Variants in NSMCE2 observed in about 807,000 individuals in gnomAD.
NSMCE2 encodes NSE2 SUMO ligase component of SMC5/6 complex.
A neutral mutation model predicts 23.8 loss-of-function variants in NSMCE2; 24 were observed. The ratio of observed to expected loss-of-function variants is 1.01; its 90% CI spans 0.73 to 1.42. The LOEUF (loss-of-function observed/expected upper bound fraction) is 1.42, where lower values mean the gene tolerates loss of function less well. Among genes scored for constraint, NSMCE2 ranks in the 40% most tolerant of loss-of-function variants. The pLI, the probability that NSMCE2 is intolerant of heterozygous loss-of-function variation, is 0.00. For missense variants in NSMCE2, 284 were observed against 296.5 expected (o/e 0.96, Z 0.31); for synonymous variants, 92 against 94.1 (o/e 0.98, Z 0.13).
chr8:125,269,028 A>T (rs1827063890), intron 5 of NSMCE2, among the ~76,000 whole-genome samples: 1 of 152,178 alleles, frequency 6.6e-6, no homozygotes, highest in African/African-American at 2.4e-5. Context: ...GAACTCATGC[A>T]TAGCTATCTT....
chr8:125,248,585 G>A (rs563143830), intron 5 of NSMCE2, among the ~76,000 whole-genome samples: 29 of 152,018 alleles, frequency 1.9e-4, no homozygotes, highest in South Asian at 1.9e-3. Context: ...CCAGGGAGGC[G>A]GAGGTTGCAG....
At chr8:125,321,202 C>T (rs1829441881) in intron 5 of NSMCE2, among the ~76,000 whole-genome samples, 1 of 152,178 alleles carries the variant, frequency 6.6e-6, no homozygotes, top group African/African-American at 2.4e-5. Context: ...CCTGGATCTA[C>T]ACAAAGAACT....
At chr8:125,301,165 A>G (rs1310957396) in intron 5 of NSMCE2, among the ~76,000 whole-genome samples, 4 of 152,200 alleles carry the variant, frequency 2.6e-5, no homozygotes, top group Non-Finnish European at 5.9e-5. Flanking sequence ...CTTGAGCAGG[A>G]TTGGCTGGGG....
Position 125,112,118 on chromosome 8 carries a change from G to T in NSMCE2, c.157+9631G>T, listed in dbSNP as rs78917784. On this transcript the variant is annotated intron_variant, in intron 3 of 7. Coordinates refer to ENST00000287437, the MANE Select transcript of NSMCE2 (RefSeq NM_173685.4). Reference sequence around the variant, plus strand: ...CAATAACCCTAAGAAGCCAATGTTTGTATGCTTATACAGCTTTTATAACTG... The same window carrying T: ...CAATAACCCTAAGAAGCCAATGTTTTTATGCTTATACAGCTTTTATAACTG... Among the ~76,000 whole-genome samples the T allele has an allele frequency of 1.8e-4, 28 of 152,264 alleles. No homozygotes were observed. In the East Asian group the frequency reaches 5.0e-3, roughly 27 times the overall value.
intron 5 of NSMCE2, among the ~76,000 whole-genome samples, chr8:125,316,773 C>CCTTCCTTCCTTCCTTCCTTCCTTCCT (rs1172219929): frequency 1.3e-5 from 1 of 77,358 alleles, no homozygotes; most frequent in African/African-American, 8.7e-5. Flanking sequence ...CCTTCCTTCT[C>CCTTCCTTCCTTCCTTCCTTCCTTCCT]TCTCTCTCTT....
intron 5 of NSMCE2, among the ~76,000 whole-genome samples, chr8:125,222,784 C>T (rs914655708): frequency 2.0e-4 from 30 of 152,102 alleles, no homozygotes; most frequent in Non-Finnish European, 4.0e-4. Context: ...CTCTTAGAGG[C>T]GGGGTGCAGT....
intron 3 of NSMCE2, among the ~76,000 whole-genome samples, chr8:125,109,362 G>A (rs1818621146): frequency 6.6e-6 from 1 of 152,190 alleles, no homozygotes; most frequent in Non-Finnish European, 1.5e-5. Context: ...GTAATTTGGT[G>A]TGCATTTGAG....
chr8:125,175,707 A>G (rs545364692), intron 4 of NSMCE2, among the ~76,000 whole-genome samples: 2 of 151,852 alleles, frequency 1.3e-5, no homozygotes, highest in Non-Finnish European at 2.9e-5. Context: ...CGATGGTTAT[A>G]AGGCAATAAT....
At chr8:125,275,101 C>T (rs183548978) in intron 5 of NSMCE2, among the ~76,000 whole-genome samples, 2 of 151,786 alleles carry the variant, frequency 1.3e-5, no homozygotes, top group East Asian at 3.9e-4. Context: ...CCTATCCCTG[C>T]TTTTATCTGG....
intron 5 of NSMCE2, among the ~76,000 whole-genome samples, chr8:125,236,546 A>G (rs1461775961): frequency 1.3e-5 from 2 of 152,138 alleles, no homozygotes; most frequent in African/African-American, 2.4e-5. Flanking sequence ...TGTGTTTCAT[A>G]TACTTAGAAA....
chr8:125,271,746 T>A lies in NSMCE2; in HGVS notation c.419-85473T>A, dbSNP rs376465845. On this transcript the variant is annotated intron_variant, in intron 5 of 7. Transcript: ENST00000287437. Reference sequence around the variant, plus strand: ...AGGATGCATGCTTGATTTTATTGCTTTTGATACTGTTTTTCACTCATGCTT... The same window carrying A: ...AGGATGCATGCTTGATTTTATTGCTATTGATACTGTTTTTCACTCATGCTT... 3.7e-3 allele frequency among the ~76,000 whole-genome samples: 561 copies of A among 152,332 alleles called. 5 individuals are homozygous for A. The highest frequency in any genetic ancestry group is 0.013 in the African/African-American group (543 of 41,576).
At chr8:125,273,953 C>G (rs980704840) in intron 5 of NSMCE2, among the ~76,000 whole-genome samples, 2 of 152,238 alleles carry the variant, frequency 1.3e-5, no homozygotes, top group African/African-American at 4.8e-5. Context: ...TCTAAAGCCT[C>G]CCTCCTCCAG....
intron 7 of NSMCE2, among the ~76,000 whole-genome samples, chr8:125,364,413 C>T (rs1813697360): frequency 6.6e-6 from 1 of 152,190 alleles, no homozygotes; most frequent in East Asian, 1.9e-4. Flanking sequence ...GCTCCCATGA[C>T]CAACTTTCTT....
At chr8:125,334,823 C>G (rs938732909) in intron 5 of NSMCE2, among the ~76,000 whole-genome samples, 1 of 143,078 alleles carries the variant, frequency 7.0e-6, no homozygotes, top group Non-Finnish European at 1.5e-5. Context: ...CGCTCTGTCA[C>G]CCAGGCTGGA....
At chr8:125,285,592 C>T (rs978835646) in intron 5 of NSMCE2, among the ~76,000 whole-genome samples, 4 of 152,132 alleles carry the variant, frequency 2.6e-5, no homozygotes, top group African/African-American at 9.7e-5. Flanking sequence ...TTAGGTAACA[C>T]TGTACCTATA....
chr8:125,364,120 T>C lies in NSMCE2; in HGVS notation c.627-2648T>C, dbSNP rs569799244. On this transcript the variant is annotated intron_variant, in intron 7 of 7. Coordinates refer to ENST00000287437, the MANE Select transcript of NSMCE2 (RefSeq NM_173685.4). ...CACCACGCCTGGCTAATTTTTGTAT[T>C]TTTAGTAAAGATAGGGTTTCGCCAT... Among the ~76,000 whole-genome samples the C allele has an allele frequency of 8.5e-5, 13 of 152,242 alleles. No homozygotes were observed. The South Asian group carries it at 2.7e-3, about 32-fold the overall frequency.
In NSMCE2 at chr8:125,367,096, T is replaced by C. The variant is rs908596138; in HGVS notation, c.*211T>C. Reference sequence around the variant, plus strand: ...GTTTATTTTTAAGTGTTCTATAATGTTAAATAAAACTTTGATCATCTGCAG... The same window carrying C: ...GTTTATTTTTAAGTGTTCTATAATGCTAAATAAAACTTTGATCATCTGCAG... On this transcript the variant is annotated 3_prime_UTR_variant, in exon 8 of 8. Coordinates refer to ENST00000287437, the MANE Select transcript of NSMCE2 (RefSeq NM_173685.4). 49 of 480,052 alleles carry C rather than the reference T, an allele frequency of 1.0e-4. No homozygotes were observed. Among genetic ancestry groups the C allele is most frequent in the African/African-American group, 7.9e-4 (41 of 52,078 alleles). The allele number at this position is 480,052 out of a possible 1,614,324, so 29.7% of individuals were successfully genotyped here.
chr8:125,282,563 G>A (rs1827736526), intron 5 of NSMCE2, among the ~76,000 whole-genome samples: 1 of 152,202 alleles, frequency 6.6e-6, no homozygotes, highest in African/African-American at 2.4e-5. Flanking sequence ...GTTAGAACTT[G>A]TCCTTTTGGC....
chr8:125,182,076 C>G, intron 4 of NSMCE2, 27 bp from the exon 5 acceptor site: 1 of 1,516,664 alleles, frequency 6.6e-7, no homozygotes, highest in East Asian at 2.3e-5. Flanking sequence ...TAACATTTAA[C>G]TCAGGTAATT....
Sources: gnomAD v4.1 joint callset for allele counts (sites outside exome capture counted in the v4.1 genomes callset) on GRCh38, gnomAD v4.1.1 for gene constraint, MANE v1.5 for transcripts, NCBI Gene and HGNC (gene_info 2026-07-23, HGNC 2026-07-21) for gene names.